Variants in BEND3 observed in about 807,000 individuals in gnomAD.
BEND3 encodes BEN domain-containing protein 3.
In BEND3, 13 loss-of-function variants were observed where a neutral mutation model predicts 60.1. The observed-to-expected ratio is 0.22, with a 90% CI of 0.14 to 0.34. The LOEUF (loss-of-function observed/expected upper bound fraction) is 0.34. Ranked by LOEUF, BEND3 falls within the 10% of genes least tolerant of loss-of-function variation. BEND3 has a pLI of 1.00. For synonymous variants in BEND3, 497 were observed against 491.5 expected, an observed-to-expected ratio of 1.01 and a Z score of -0.15; for missense variants, 896 against 1,138.1, an observed-to-expected ratio of 0.79 and a Z score of 3.06.
rs377107460 is a variant in BEND3 at position 107,066,561 on chromosome 6, AATT to A, written c.*2140_*2142del. The A allele has an allele frequency of 9.8e-5, 15 of 152,764 alleles. No individual in the cohort carries two copies. The highest frequency in any genetic ancestry group is 3.4e-4 in the African/African-American group (14 of 41,586). 9.5% of individuals were successfully genotyped at this position (152,764 alleles called of 1,614,324 possible). On this transcript the variant is annotated 3_prime_UTR_variant, in exon 4 of 4. Transcript: ENST00000369042. ...CAGGGGTAGATGGGAGTTTCAAAAA[AATT>A]ATTAATAAATGATTGTGCTTCTAAA...
chr6:107,078,642 C>T, intron 3 of BEND3, among the ~76,000 whole-genome samples: 1 of 149,732 alleles, frequency 6.7e-6, no homozygotes, highest in East Asian at 2.0e-4. Flanking sequence ...TTTCTAAAGG[C>T]TGACATGGAG....
intron 1 of BEND3, among the ~76,000 whole-genome samples, chr6:107,113,437 CAAAA>C (rs1158122732): frequency 7.7e-4 from 10 of 13,064 alleles, no homozygotes; most frequent in South Asian, 3.1e-3. Flanking sequence ...GACTCCGTCT[CAAAA>C]AAAAAAAAAA....
rs142662918 is a variant in BEND3 at position 107,070,737 on chromosome 6, C to T, written c.454G>A (p.Val152Met). 1.1e-5 allele frequency: 17 copies of T among 1,613,894 alleles called. No individual in the cohort carries two copies. The highest frequency in any genetic ancestry group is 5.0e-5 in the Admixed American group (3 of 59,994). Residue 152 changes from valine to methionine, a missense_variant, in exon 4 of 4, where the codon GTG becomes ATG. This residue lies in a region of BEND3 where 846 missense variants were observed against 1,036.7 expected (regional missense o/e 0.82). Coordinates refer to ENST00000369042, the MANE Select transcript of BEND3 (RefSeq NM_001367314.1). The surrounding 1 kb of genome is among the most constrained non-coding windows in gnomAD (Gnocchi z 6.9). ...KNPPSGDLLN[V>M]YELFEKANAS... ...TTTGCCTTCTCAAAGAGCTCGTACACGTTTAGCAGGTCCCCCGAGGGAGGA... is the reference window on the plus strand; with the variant it reads ...TTTGCCTTCTCAAAGAGCTCGTACATGTTTAGCAGGTCCCCCGAGGGAGGA...
chr6:107,081,499 G>A (rs1554233547), intron 3 of BEND3, among the ~76,000 whole-genome samples: 2 of 152,116 alleles, frequency 1.3e-5, no homozygotes, highest in African/African-American at 4.8e-5. Flanking sequence ...TGGGATTACA[G>A]GCATGAGCCA....
At chr6:107,101,849 C>G (rs928317313) in intron 1 of BEND3, among the ~76,000 whole-genome samples, 5 of 152,188 alleles carry the variant, frequency 3.3e-5, no homozygotes, top group Non-Finnish European at 7.3e-5. Flanking sequence ...CTGAATGCCC[C>G]TGCCCTTGGA....
intron 3 of BEND3, among the ~76,000 whole-genome samples, chr6:107,088,184 G>T (rs1775398100): frequency 1.3e-5 from 2 of 151,946 alleles, no homozygotes; most frequent in Non-Finnish European, 2.9e-5. Flanking sequence ...CCAGATAAAA[G>T]AATCCTTTTG....
intron 3 of BEND3, among the ~76,000 whole-genome samples, chr6:107,074,123 T>C (rs1408040408): frequency 2.6e-5 from 4 of 152,078 alleles, no homozygotes; most frequent in African/African-American, 9.7e-5. Flanking sequence ...AAGTGCTTAA[T>C]AAATATTTAT....
intron 1 of BEND3, among the ~76,000 whole-genome samples, chr6:107,109,055 C>T (rs1346835242): frequency 6.6e-6 from 1 of 152,094 alleles, no homozygotes; most frequent in East Asian, 2.0e-4. Flanking sequence ...ATCCACCCGC[C>T]TCAGCCTCCT....
At chr6:107,112,500 T>C (rs2115043020) in intron 1 of BEND3, among the ~76,000 whole-genome samples, 1 of 152,234 alleles carries the variant, frequency 6.6e-6, no homozygotes, top group South Asian at 2.1e-4. Flanking sequence ...CGGAATCACA[T>C]AAAACTTTCC....
chr6:107,069,050 G>A lies in BEND3; in HGVS notation c.2141C>T (p.Pro714Leu), dbSNP rs1416192663. The A allele has an allele frequency of 4.3e-6, 7 of 1,613,542 alleles. No individual in the cohort carries two copies. Among genetic ancestry groups the A allele is most frequent in the East Asian group, 2.2e-5 (1 of 44,880 alleles). Residue 714 changes from proline to leucine, a missense_variant, in exon 4 of 4, where the codon CCG (proline) becomes CTG (leucine). Coordinates refer to ENST00000369042, the MANE Select transcript of BEND3 (RefSeq NM_001367314.1). ...AGACAGCAGGTAGGGAGAAGGCACCGGGAAGTCAGGCGAGGGGACCACCAG... is the reference window on the plus strand; with the variant it reads ...AGACAGCAGGTAGGGAGAAGGCACCAGGAAGTCAGGCGAGGGGACCACCAG... ...DELVVPSPDF[P>L]VPSPYLLSDK... is the part of the protein sequence containing the mutation.
intron 1 of BEND3, among the ~76,000 whole-genome samples, chr6:107,113,226 G>A (rs1176343370): frequency 4.0e-5 from 6 of 151,562 alleles, no homozygotes; most frequent in African/African-American, 9.7e-5. Flanking sequence ...CAGATCACCT[G>A]AGGTCCGGAA....
In BEND3 at chr6:107,070,844, T is replaced by A; in HGVS notation, c.347A>T (p.Glu116Val). 3 of 1,613,908 alleles carry A rather than the reference T, an allele frequency of 1.9e-6. No homozygotes were observed. The highest frequency in any genetic ancestry group is 2.5e-6 in the Non-Finnish European group (3 of 1,180,018). The part of the protein sequence containing the change: ...RSLGNVWPGE[E>V]EPCNDATTPS... ...GGTGGTGGCATCGTTGCAGGGCTCCTCCTCTCCAGGCCACACATTGCCCAG... is the reference window on the plus strand; with the variant it reads ...GGTGGTGGCATCGTTGCAGGGCTCCACCTCTCCAGGCCACACATTGCCCAG... The change falls in exon 4 of 4, where the codon GAG (glutamate) becomes GTG (valine). Residue 116 changes from glutamate to valine, a missense_variant. Physicochemically the swap from Glu to Val is moderately radical, Grantham distance 121. Coordinates refer to ENST00000369042, the MANE Select transcript of BEND3 (RefSeq NM_001367314.1). The surrounding 1 kb of genome is among the most constrained non-coding windows in gnomAD (Gnocchi z 6.9).
chr6:107,114,290 G>GCGGC (rs1354244816), intron 1 of BEND3: 2 of 152,230 alleles, frequency 1.3e-5, no homozygotes, highest in Non-Finnish European at 2.9e-5. Flanking sequence ...CTTCAGCTTT[G>GCGGC]CGGCCGGCCG....
chr6:107,114,343 G>A (rs1770210166), intron 1 of BEND3: 1 of 152,086 alleles, frequency 6.6e-6, no homozygotes, highest in African/African-American at 2.4e-5. Flanking sequence ...AAGGCGCCGG[G>A]CCCGCCTCCA....
At chr6:107,088,835 A>G (rs1156298013) in intron 3 of BEND3, among the ~76,000 whole-genome samples, 2 of 152,222 alleles carry the variant, frequency 1.3e-5, no homozygotes, top group African/African-American at 4.8e-5. Flanking sequence ...AAAATAAAGT[A>G]TCTAAGAATT....
Position 107,115,398 on chromosome 6 carries a change from C to G in BEND3, c.-320G>C, listed in dbSNP as rs1554239240. 1 of 149,052 alleles carries G rather than the reference C, an allele frequency of 6.7e-6. No individual in the cohort carries two copies. The highest frequency in any genetic ancestry group is 2.0e-4 in the East Asian group (1 of 5,116). The allele number at this position is 149,052 out of a possible 1,614,324, so 9.2% of individuals were successfully genotyped here. On this transcript the variant is annotated 5_prime_UTR_variant, in exon 1 of 4. Coordinates refer to ENST00000369042, the MANE Select transcript of BEND3 (RefSeq NM_001367314.1). ...CCCCACCCCCGGCCCGCCCCTCCCC[C>G]TCAGCGGGGCACACGCGGGACCGGC...
rs1774825007 is a variant in BEND3 at position 107,066,185 on chromosome 6, A to G, written c.*2519T>C. Reference sequence around the variant, plus strand: ...AGGAAAGCGACTGCCAACAGGTTTCATGGAACACATTAAATTTTGAAAAAA... The same window carrying G: ...AGGAAAGCGACTGCCAACAGGTTTCGTGGAACACATTAAATTTTGAAAAAA... On this transcript the variant is annotated 3_prime_UTR_variant, in exon 4 of 4. Coordinates refer to ENST00000369042, the MANE Select transcript of BEND3 (RefSeq NM_001367314.1). The G allele has an allele frequency of 6.6e-6, 1 of 152,168 alleles. No homozygotes were observed. Among genetic ancestry groups the G allele is most frequent in the Non-Finnish European group, 1.5e-5 (1 of 68,032 alleles). The allele number at this position is 152,168 out of a possible 1,614,324, so 9.4% of individuals were successfully genotyped here.
chr6:107,106,963 G>T (rs1317425815), intron 1 of BEND3, among the ~76,000 whole-genome samples: 1 of 143,946 alleles, frequency 6.9e-6, no homozygotes, highest in Non-Finnish European at 1.5e-5. Context: ...TTGAGACGGA[G>T]TCTCGCTCTG....
At chr6:107,088,129 GCCT>G (rs1333627850) in intron 3 of BEND3, among the ~76,000 whole-genome samples, 2 of 151,442 alleles carry the variant, frequency 1.3e-5, no homozygotes, top group East Asian at 3.9e-4. Flanking sequence ...TCCTGCCTCA[GCCT>G]CCTAAGTAGC....
Sources: gnomAD v4.1 joint callset for allele counts (sites outside exome capture counted in the v4.1 genomes callset) on GRCh38, gnomAD v4.1.1 for gene constraint, gnomAD v4.1.1 regional missense constraint, Gnocchi (gnomAD v3.1) non-coding constraint, MANE v1.5 for transcripts, NCBI Gene and HGNC (gene_info 2026-07-23, HGNC 2026-07-21) for gene names.